RTL4: variants seen among roughly 807,000 people sequenced by gnomAD.
RTL4 encodes the protein retrotransposon Gag like 4, also known as retrotransposon Gag-like protein 4.
RTL4 carries 4 observed loss-of-function variants against 5.3 expected under a neutral mutation model. That is an observed-to-expected ratio of 0.75 (90% CI 0.37 to 1.72). The LOEUF is 1.72. Ranked by LOEUF, RTL4 falls within the 40% of genes most tolerant of loss-of-function variation. The pLI, the probability that RTL4 is intolerant of heterozygous loss-of-function variation, is 0.04. For synonymous variants in RTL4, 98 were observed against 87.3 expected (o/e 1.12, Z -0.68); for missense variants, 260 against 227.1 (o/e 1.14, Z -0.93).
the RTL4 span, among the ~76,000 whole-genome samples, chrX:112,097,870 AG>A: frequency 9.0e-6 from 1 of 111,567 alleles, no homozygotes; most frequent in Non-Finnish European, 1.9e-5. Flanking sequence ...TTTGAGGACC[AG>A]GAATCTTTTT....
the RTL4 span, among the ~76,000 whole-genome samples, chrX:112,420,974 T>G: frequency 3.6e-5 from 4 of 111,868 alleles, no homozygotes; most frequent in Non-Finnish European, 7.5e-5. Flanking sequence ...GTTCCACCAC[T>G]ACTGTAAGGC....
chrX:112,425,205 T>C, the RTL4 span, among the ~76,000 whole-genome samples: 1 of 111,468 alleles, frequency 9.0e-6, no homozygotes, highest in Non-Finnish European at 1.9e-5. Context: ...TAGATTGACT[T>C]CTTGCACTTT....
At chrX:112,350,609 C>T in the RTL4 span, among the ~76,000 whole-genome samples, 5 of 111,264 alleles carry the variant, frequency 4.5e-5, no homozygotes, top group South Asian at 3.8e-4. Context: ...GTGTATGTGT[C>T]GAGGAATTTA....
the RTL4 span, among the ~76,000 whole-genome samples, chrX:112,250,486 G>A: frequency 9.0e-6 from 1 of 111,426 alleles, no homozygotes; most frequent in Non-Finnish European, 1.9e-5. Context: ...ATGTGATGTA[G>A]ACCCAGTCTG....
the RTL4 span, among the ~76,000 whole-genome samples, chrX:112,131,079 G>A: frequency 1.8e-5 from 2 of 109,634 alleles, no homozygotes; most frequent in South Asian, 3.8e-4. Flanking sequence ...GATTACAGGC[G>A]TGAGCCACTG....
At chrX:112,330,687 C>T in the RTL4 span, among the ~76,000 whole-genome samples, 2 of 111,206 alleles carry the variant, frequency 1.8e-5, no homozygotes, top group African/African-American at 6.6e-5. Context: ...AAAAAAGAGC[C>T]CGCATCGCCA....
chrX:112,262,321 T>G, the RTL4 span, among the ~76,000 whole-genome samples: 8 of 111,264 alleles, frequency 7.2e-5, no homozygotes, highest in Non-Finnish European at 9.4e-5. Flanking sequence ...ATCCAGAATC[T>G]ACAAAGAACT....
the RTL4 span, among the ~76,000 whole-genome samples, chrX:112,181,015 G>C: frequency 8.9e-6 from 1 of 111,876 alleles, no homozygotes; most frequent in African/African-American, 3.3e-5. Flanking sequence ...GACAGTGGGT[G>C]CAGCCCACGG....
At chrX:112,155,988 A>G in the RTL4 span, among the ~76,000 whole-genome samples, 177 of 112,171 alleles carry the variant, frequency 1.6e-3, 1 homozygote, top group African/African-American at 5.4e-3. Flanking sequence ...CCAAGTTTCT[A>G]GCAGCTCAGC....
the RTL4 span, chrX:112,381,477 A>G: frequency 8.3e-7 from 1 of 1,206,083 alleles, no homozygotes; most frequent in East Asian, 3.0e-5. Flanking sequence ...CACCGAGAAA[A>G]GTTACTTGTC....
chrX:112,246,187 A>T, the RTL4 span, among the ~76,000 whole-genome samples: 23 of 112,056 alleles, frequency 2.1e-4, no homozygotes, highest in South Asian at 3.8e-4. Flanking sequence ...GACCCACTTG[A>T]GGAGGCAGTC....
At chrX:112,224,129 C>A in the RTL4 span, among the ~76,000 whole-genome samples, 4,488 of 110,703 alleles carry the variant, frequency 0.041, 109 homozygotes, top group Non-Finnish European at 0.065. Flanking sequence ...GGAAGAGATG[C>A]AGACTGAGAC....
At chrX:112,253,261 A>G in the RTL4 span, among the ~76,000 whole-genome samples, 1 of 100,781 alleles carries the variant, frequency 9.9e-6, no homozygotes. Context: ...GCCTGAGAAG[A>G]AATGAGTCTA....
At chrX:112,206,098 C>T in the RTL4 span, among the ~76,000 whole-genome samples, 2 of 111,867 alleles carry the variant, frequency 1.8e-5, no homozygotes, top group African/African-American at 6.5e-5. Flanking sequence ...TCTCTAGGCA[C>T]ATCTATGGTG....
the RTL4 span, among the ~76,000 whole-genome samples, chrX:112,093,851 A>G: frequency 8.9e-6 from 1 of 111,935 alleles, no homozygotes; most frequent in Non-Finnish European, 1.9e-5. Context: ...AGGCAAAAGC[A>G]CAATCTGTTC....
chrX:112,374,332 T>C, the RTL4 span, among the ~76,000 whole-genome samples: 1 of 111,528 alleles, frequency 9.0e-6, no homozygotes, highest in Non-Finnish European at 1.9e-5. Context: ...GTGGATACTC[T>C]CTATCTGCTC....
chrX:112,393,018 G>A, the RTL4 span, among the ~76,000 whole-genome samples: 1 of 110,695 alleles, frequency 9.0e-6, no homozygotes, highest in Non-Finnish European at 1.9e-5. Flanking sequence ...TGGCCAGAGA[G>A]CACTGACAGG....
At chrX:112,333,616 C>A in the RTL4 span, among the ~76,000 whole-genome samples, 4 of 111,359 alleles carry the variant, frequency 3.6e-5, no homozygotes, top group Non-Finnish European at 7.5e-5. Flanking sequence ...TATGTGAAAT[C>A]TGAAATGCTC....
chrX:112,126,237 C>T, the RTL4 span, among the ~76,000 whole-genome samples: 4 of 111,565 alleles, frequency 3.6e-5, no homozygotes, highest in African/African-American at 9.8e-5. Flanking sequence ...GGACAAAACT[C>T]GTCAAGAAAT....
Sources: allele counts gnomAD v4.1 joint callset (sites outside exome capture counted in the v4.1 genomes callset), GRCh38; gene constraint gnomAD v4.1.1; transcripts MANE v1.5; gene names NCBI Gene and HGNC (gene_info 2026-07-23, HGNC 2026-07-21).